The following MXD1 variants were observed in gnomAD, a reference collection of about 807,000 sequenced individuals.
MXD1 encodes MAX-binding protein.
In MXD1, 9 loss-of-function variants were observed where a neutral mutation model predicts 25.7. That is an observed-to-expected ratio of 0.35 (90% CI 0.21 to 0.61). MXD1 has a LOEUF of 0.61. MXD1 is among the 20% of genes least tolerant of loss of function. MXD1 has a pLI of 0.75. For missense variants in MXD1, 227 were observed against 292.4 expected (o/e 0.78, Z 1.63); for synonymous variants, 99 against 113.9 (o/e 0.87, Z 0.83).
chr2:69,923,400 A>AT (rs745417283), intron 3 of MXD1, among the ~76,000 whole-genome samples: 2 of 152,212 alleles, frequency 1.3e-5, no homozygotes, highest in Non-Finnish European at 2.9e-5. Flanking sequence ...AGGATGTGTA[A>AT]TGATGGCTCT....
Position 69,916,161 on chromosome 2 carries a change from CAAG to C in MXD1, c.115_117del (p.Lys39del). The C allele has an allele frequency of 1.2e-6, 2 of 1,613,374 alleles. No individual in the cohort carries two copies. Among genetic ancestry groups the C allele is most frequent in the Middle Eastern group, 3.3e-4 (2 of 6,054 alleles). On this transcript the variant is annotated inframe_deletion, in exon 2 of 6. Transcript: ENST00000264444. ...ATGCCTCCATGTTACCATACAATAA[CAAG>C]GACAGAGATGCCTTAAAACGGAGGA...
At chr2:69,935,239 T>C (rs1470340546) in intron 3 of MXD1, 112 bp from the exon 4 acceptor site, 3 of 717,656 alleles carry the variant, frequency 4.2e-6, no homozygotes, top group Non-Finnish European at 7.5e-6. Flanking sequence ...ATTGGTAGCA[T>C]TTGCCATCGC....
chr2:69,942,285 T>C lies in MXD1; in HGVS notation c.*4001T>C, dbSNP rs1677625260. The C allele has an allele frequency of 6.6e-6, 1 of 152,226 alleles. No homozygotes were observed. The highest frequency in any genetic ancestry group is 1.5e-5 in the Non-Finnish European group (1 of 68,038). 9.4% of individuals were successfully genotyped at this position (152,226 alleles called of 1,614,324 possible). A position where few individuals can be genotyped will look rare whatever the true frequency, so the allele number is the denominator to read the frequency against. The stretch of plus-strand genomic sequence containing the variant: ...GTTTCTCATTCTACATCCTCTGATC[T>C]CTATAGACTGTAGGATGCTTTGCTT... On this transcript the variant is annotated 3_prime_UTR_variant, in exon 6 of 6. Coordinates refer to ENST00000264444, the MANE Select transcript of MXD1 (RefSeq NM_002357.4).
rs2104216779 is a variant in MXD1, at chr2:69,938,403, A to C, written c.*119A>C. The C allele has an allele frequency of 1.9e-6, 2 of 1,036,386 alleles. No individual in the cohort carries two copies. The highest frequency in any genetic ancestry group is 2.8e-6 in the Non-Finnish European group (2 of 706,230). 64.2% of individuals were successfully genotyped at this position (1,036,386 alleles called of 1,614,324 possible). On this transcript the variant is annotated 3_prime_UTR_variant, in exon 6 of 6. Transcript: ENST00000264444. The stretch of plus-strand genomic sequence containing the variant: ...AACTTCAGTGTCCCACCTTGACCAA[A>C]ATCAGCTTTGTAACTGTTTTCAAGG...
Position 69,942,641 on chromosome 2 carries a change from A to C in MXD1, c.*4357A>C, listed in dbSNP as rs1677637160. 1 of 152,126 alleles carries C rather than the reference A, an allele frequency of 6.6e-6. No individual in the cohort carries two copies. The highest frequency in any genetic ancestry group is 6.6e-5 in the Admixed American group (1 of 15,254). 9.4% of individuals were successfully genotyped at this position (152,126 alleles called of 1,614,324 possible). ...AAACTTGCCTTTACCCCATCCCTAG[A>C]ATTGGTGCTCTTGGAATATTGCTGT... On this transcript the variant is annotated 3_prime_UTR_variant, in exon 6 of 6. Coordinates refer to ENST00000264444, the MANE Select transcript of MXD1 (RefSeq NM_002357.4).
chr2:69,931,617 AG>A (rs1444835041), intron 3 of MXD1, among the ~76,000 whole-genome samples: 1 of 152,236 alleles, frequency 6.6e-6, no homozygotes, highest in Non-Finnish European at 1.5e-5. Context: ...TGACTGAGTC[AG>A]AATTTTTTAA....
Position 69,939,466 on chromosome 2 carries a change from C to G in MXD1, c.*1182C>G, listed in dbSNP as rs1677545752. On this transcript the variant is annotated 3_prime_UTR_variant, in exon 6 of 6. Coordinates refer to ENST00000264444, the MANE Select transcript of MXD1 (RefSeq NM_002357.4). ...CGACTTTGTAGCATTTTTATTTAAG[C>G]TAAAACAGAGCACATGTATATGTAC... 1.3e-5 allele frequency: 2 copies of G among 152,546 alleles called. No homozygotes were observed. Among genetic ancestry groups the G allele is most frequent in the Admixed American group, 6.5e-5 (1 of 15,272 alleles). 9.4% of individuals were successfully genotyped at this position (152,546 alleles called of 1,614,324 possible). A position where few individuals can be genotyped will look rare whatever the true frequency, so the allele number is the denominator to read the frequency against.
intron 3 of MXD1, among the ~76,000 whole-genome samples, chr2:69,930,179 A>G (rs1423390961): frequency 6.6e-6 from 1 of 152,256 alleles, no homozygotes; most frequent in East Asian, 1.9e-4. Flanking sequence ...CTTTCAACAA[A>G]GTTTTATAGT....
At chr2:69,929,346 A>G (rs1287066298) in intron 3 of MXD1, among the ~76,000 whole-genome samples, 1 of 152,264 alleles carries the variant, frequency 6.6e-6, no homozygotes, top group Non-Finnish European at 1.5e-5. Context: ...TATTTAATGC[A>G]GGAGGCACTA....
At chr2:69,932,212 TTGTGTGTCTGTA>T (rs1301239446) in intron 3 of MXD1, among the ~76,000 whole-genome samples, 2 of 151,918 alleles carry the variant, frequency 1.3e-5, no homozygotes, top group South Asian at 4.2e-4. Flanking sequence ...TCCCAGGAGT[TTGTGTGTCTGTA>T]TGTGTGTCTG....
chr2:69,934,503 A>G (rs1369484991), intron 3 of MXD1, among the ~76,000 whole-genome samples: 1 of 152,148 alleles, frequency 6.6e-6, no homozygotes, highest in Non-Finnish European at 1.5e-5. Flanking sequence ...GACATACTCC[A>G]AGAACAAAAA....
In MXD1 at chr2:69,942,651, C is replaced by T. The variant is rs1677637347; in HGVS notation, c.*4367C>T. The T allele has an allele frequency of 6.6e-6, 1 of 152,170 alleles. No individual in the cohort carries two copies. The highest frequency in any genetic ancestry group is 2.1e-4 in the South Asian group (1 of 4,834). 9.4% of individuals were successfully genotyped at this position (152,170 alleles called of 1,614,324 possible). On this transcript the variant is annotated 3_prime_UTR_variant, in exon 6 of 6. Transcript: ENST00000264444. ...TTACCCCATCCCTAGAATTGGTGCTCTTGGAATATTGCTGTTACCATCATT... is the reference window on the plus strand; with the variant it reads ...TTACCCCATCCCTAGAATTGGTGCTTTTGGAATATTGCTGTTACCATCATT...
chr2:69,940,064 A>G lies in MXD1; in HGVS notation c.*1780A>G, dbSNP rs968066120. 1 of 116,324 alleles carries G rather than the reference A, an allele frequency of 8.6e-6. No individual in the cohort carries two copies. The highest frequency in any genetic ancestry group is 1.2e-4 in the Admixed American group (1 of 8,006). 7.2% of individuals were successfully genotyped at this position (116,324 alleles called of 1,614,324 possible). ...TGGATTCCTAAATGATTCCAAAGTC[A>G]CCTGTAATTCTTCTGTTTTTGTTTT... On this transcript the variant is annotated 3_prime_UTR_variant, in exon 6 of 6. Coordinates refer to ENST00000264444, the MANE Select transcript of MXD1 (RefSeq NM_002357.4).
chr2:69,925,112 G>C (rs544908312), intron 3 of MXD1, among the ~76,000 whole-genome samples: 45 of 152,244 alleles, frequency 3.0e-4, no homozygotes, highest in Middle Eastern at 3.4e-3. Flanking sequence ...TAAAGACTAC[G>C]CACTGCTGTG....
At chr2:69,922,148 A>T (rs1188992301) in intron 3 of MXD1, among the ~76,000 whole-genome samples, 1 of 152,252 alleles carries the variant, frequency 6.6e-6, no homozygotes, top group Admixed American at 6.5e-5. Context: ...CATAATATAC[A>T]TGTAAGTATA....
chr2:69,923,306 C>T (rs1200457225), intron 3 of MXD1, among the ~76,000 whole-genome samples: 1 of 152,196 alleles, frequency 6.6e-6, no homozygotes, highest in Non-Finnish European at 1.5e-5. Context: ...TAGCCTCATT[C>T]TGGTCTCTGA....
chr2:69,919,224 T>C (rs1677014857), intron 2 of MXD1, among the ~76,000 whole-genome samples: 2 of 152,210 alleles, frequency 1.3e-5, no homozygotes, highest in Admixed American at 1.3e-4. Flanking sequence ...TGTGCTGTTA[T>C]TTTCTACTCT....
chr2:69,942,918 A>G lies in MXD1; in HGVS notation c.*4634A>G, dbSNP rs554836128. ...AACTGTATTGTTCAACTGTTAACAA[A>G]TAATAAATTATTTCATTATTAAAGA... On this transcript the variant is annotated 3_prime_UTR_variant, in exon 6 of 6. Transcript: ENST00000264444. 1 of 152,376 alleles carries G rather than the reference A, an allele frequency of 6.6e-6. No individual in the cohort carries two copies. The highest frequency in any genetic ancestry group is 1.9e-4 in the East Asian group (1 of 5,196). 9.4% of individuals were successfully genotyped at this position (152,376 alleles called of 1,614,324 possible).
chr2:69,936,974 A>G (rs1165796630), intron 4 of MXD1: 1 of 594,556 alleles, frequency 1.7e-6, no homozygotes, highest in Non-Finnish European at 3.3e-6. Context: ...GAGGGCTACC[A>G]GGGTGCCAGT....
Sources: gnomAD v4.1 joint callset for allele counts (sites outside exome capture counted in the v4.1 genomes callset) on GRCh38, gnomAD v4.1.1 for gene constraint, MANE v1.5 for transcripts, NCBI Gene and HGNC (gene_info 2026-07-23, HGNC 2026-07-21) for gene names.